Variants in ANKFN1 observed in about 807,000 individuals in gnomAD.
The protein encoded by ANKFN1 is ankyrin repeat and fibronectin type III domain containing 1.
Under a neutral mutation model 108.7 loss-of-function variants are expected in ANKFN1, and 74 were observed. The ratio of observed to expected loss-of-function variants is 0.68; its 90% CI spans 0.56 to 0.83. ANKFN1 has a LOEUF of 0.83. Ranked by LOEUF, ANKFN1 falls within the 40% of genes least tolerant of loss-of-function variation. The pLI is 0.00. For synonymous variants in ANKFN1, 547 were observed against 516.2 expected (o/e 1.06, Z -0.81); for missense variants, 1,505 against 1,382.3 (o/e 1.09, Z -1.41).
chr17:56,346,846 CTT>C (rs1457198249), intron 4 of ANKFN1, among the ~76,000 whole-genome samples: 1 of 151,406 alleles, frequency 6.6e-6, no homozygotes, highest in Non-Finnish European at 1.5e-5. Context: ...GAAAAGTAAA[CTT>C]TTGAATATAT....
chr17:56,416,291 C>T (rs1369584015), intron 8 of ANKFN1, among the ~76,000 whole-genome samples: 1 of 152,084 alleles, frequency 6.6e-6, no homozygotes, highest in Non-Finnish European at 1.5e-5. Context: ...AAAATGTTTG[C>T]AAACTACCCA....
intron 3 of ANKFN1, among the ~76,000 whole-genome samples, chr17:56,276,417 G>T (rs578008563): frequency 1.3e-5 from 2 of 152,116 alleles, no homozygotes; most frequent in Non-Finnish European, 2.9e-5. Context: ...GGTCCTTGAG[G>T]AATCGCCACA....
chr17:56,058,673 A>C (rs1567779124), intron 4 of ANKFN1, among the ~76,000 whole-genome samples: 1 of 152,106 alleles, frequency 6.6e-6, no homozygotes, highest in Non-Finnish European at 1.5e-5. Context: ...TTATAAGTGA[A>C]ACCATACAGT....
rs1259160156 is a variant in ANKFN1 at position 56,514,641 on chromosome 17, A to G, written c.*3372A>G. On this transcript the variant is annotated 3_prime_UTR_variant, in exon 21 of 21. Coordinates refer to ENST00000682825, the MANE Select transcript of ANKFN1 (RefSeq NM_001370326.1). ...CTTAAAGATGAGAGCCATTCCCTTTAAAGAACATTCACTAATGCTCGAAGC... is the reference window on the plus strand; with the variant it reads ...CTTAAAGATGAGAGCCATTCCCTTTGAAGAACATTCACTAATGCTCGAAGC... Among the ~76,000 whole-genome samples, 1 of 152,240 alleles carries G rather than the reference A, an allele frequency of 6.6e-6. No individual in the cohort carries two copies. The highest frequency in any genetic ancestry group is 6.5e-5 in the Admixed American group (1 of 15,284).
chr17:56,092,172 A>C (rs1253598862), intron 4 of ANKFN1, among the ~76,000 whole-genome samples: 2 of 151,280 alleles, frequency 1.3e-5, no homozygotes, highest in Non-Finnish European at 3.0e-5. Flanking sequence ...CACTATATAG[A>C]GACCCATCTG....
intron 3 of ANKFN1, among the ~76,000 whole-genome samples, chr17:56,267,004 G>A (rs1055367720): frequency 6.6e-6 from 1 of 152,082 alleles, no homozygotes; most frequent in African/African-American, 2.4e-5. Context: ...CCTTATCCTA[G>A]TTTCTGAACT....
chr17:56,515,108 C>A lies in ANKFN1; in HGVS notation c.*3839C>A, dbSNP rs911335837. On this transcript the variant is annotated 3_prime_UTR_variant, in exon 21 of 21. Coordinates refer to ENST00000682825, the MANE Select transcript of ANKFN1 (RefSeq NM_001370326.1). ...TCTCCAAGAGAAGGTATGTCTGCAA[C>A]GCATTTAAGTTGCCTAGTTATGTCA... 2.6e-5 allele frequency among the ~76,000 whole-genome samples: 4 copies of A among 151,970 alleles called. No homozygotes were observed. The highest frequency in any genetic ancestry group is 3.9e-4 in the East Asian group (2 of 5,162).
Position 56,227,965 on chromosome 17 carries a change from C to T in ANKFN1, c.53+8C>T, listed in dbSNP as rs763929287. 2.5e-6 allele frequency: 4 copies of T among 1,604,766 alleles called. No homozygotes were observed. Among genetic ancestry groups the T allele is most frequent in the South Asian group, 1.1e-5 (1 of 89,020 alleles). On this transcript the variant is annotated splice_region_variant and intron_variant, in intron 3 of 20. Transcript: ENST00000682825. ...TTTTACTTGCAGCAAAATGTAAGTA[C>T]ATTTCCTCCTTGAAATGGTATCTAC... is the stretch of plus-strand genomic sequence containing the variant.
chr17:56,449,391 C>G (rs542627939), intron 11 of ANKFN1, among the ~76,000 whole-genome samples: 1 of 152,038 alleles, frequency 6.6e-6, no homozygotes, highest in Non-Finnish European at 1.5e-5. Context: ...CTTTCCCTCT[C>G]CCTCTCTCCA....
chr17:56,154,951 A>G (rs547588500), intron 1 of ANKFN1, among the ~76,000 whole-genome samples: 4 of 152,182 alleles, frequency 2.6e-5, no homozygotes, highest in African/African-American at 9.7e-5. Context: ...GTTCTCTAAC[A>G]CTCAGTTTCT....
At chr17:56,321,451 C>A (rs1458797297) in intron 3 of ANKFN1, among the ~76,000 whole-genome samples, 9 of 143,354 alleles carry the variant, frequency 6.3e-5, no homozygotes, top group Non-Finnish European at 1.2e-4. Flanking sequence ...GATGAAAAGG[C>A]ACTCCCTAAG....
At chr17:56,463,869 C>T (rs1360890538) in intron 14 of ANKFN1, 1 of 152,234 alleles carries the variant, frequency 6.6e-6, no homozygotes, top group African/African-American at 2.4e-5. Context: ...CCCATGTCCA[C>T]ATCACCCCAA....
intron 1 of ANKFN1, among the ~76,000 whole-genome samples, chr17:56,186,888 A>G (rs2143660206): frequency 6.6e-6 from 1 of 152,354 alleles, no homozygotes; most frequent in African/African-American, 2.4e-5. Context: ...CCATATGTAG[A>G]AAGCTGAAAC....
intron 4 of ANKFN1, among the ~76,000 whole-genome samples, chr17:56,072,502 C>T (rs1200176146): frequency 1.3e-5 from 2 of 152,172 alleles, no homozygotes; most frequent in Non-Finnish European, 2.9e-5. Flanking sequence ...CCAGAACCCC[C>T]GTTCATGAGA....
intron 3 of ANKFN1, among the ~76,000 whole-genome samples, chr17:56,308,963 T>C (rs1372649123): frequency 6.6e-6 from 1 of 152,352 alleles, no homozygotes; most frequent in African/African-American, 2.4e-5. Context: ...TTCTGAATTC[T>C]ATTTGCTAAT....
chr17:56,151,291 T>C (rs1464763195), upstream of ANKFN1, among the ~76,000 whole-genome samples: 1 of 152,206 alleles, frequency 6.6e-6, no homozygotes, highest in Non-Finnish European at 1.5e-5. Context: ...GTTAGTGCTG[T>C]CAGCCATGCA....
intron 8 of ANKFN1, among the ~76,000 whole-genome samples, chr17:56,390,711 G>A (rs2047402429): frequency 6.6e-6 from 1 of 152,108 alleles, no homozygotes; most frequent in Non-Finnish European, 1.5e-5. Context: ...AGCATCTGTT[G>A]TTTCCTGACT....
chr17:56,467,807 AAAG>A (rs1491324773), intron 15 of ANKFN1, among the ~76,000 whole-genome samples: 2 of 32,852 alleles, frequency 6.1e-5, no homozygotes, highest in Non-Finnish European at 1.1e-4. Context: ...AGAAAGAAAG[AAAG>A]AAAGAAAGAA....
At chr17:56,468,764 C>T (rs2050216699) in intron 15 of ANKFN1, among the ~76,000 whole-genome samples, 1 of 152,124 alleles carries the variant, frequency 6.6e-6, no homozygotes, top group African/African-American at 2.4e-5. Context: ...TTGGTCAAAG[C>T]CAATACCTCT....
Sources: gnomAD v4.1 joint callset for allele counts (sites outside exome capture counted in the v4.1 genomes callset) on GRCh38, gnomAD v4.1.1 for gene constraint, MANE v1.5 for transcripts, NCBI Gene and HGNC (gene_info 2026-07-23, HGNC 2026-07-21) for gene names.